The following FBXO33 variants were observed in gnomAD, a reference collection of about 807,000 sequenced individuals.
FBXO33 encodes F-box only protein 33.
A neutral mutation model predicts 46.3 loss-of-function variants in FBXO33; 22 were observed. The observed-to-expected ratio is 0.48, with a 90% CI of 0.34 to 0.68. FBXO33 has a LOEUF of 0.68. Ranked by LOEUF, FBXO33 falls within the 30% of genes least tolerant of loss-of-function variation. The pLI, the probability that FBXO33 is intolerant of heterozygous loss-of-function variation, is 0.01. For missense variants in FBXO33, 692 were observed against 708.8 expected (o/e 0.98, Z 0.27); for synonymous variants, 337 against 291.3 (o/e 1.16, Z -1.60).
intron 1 of FBXO33, among the ~76,000 whole-genome samples, chr14:39,404,326 T>A (rs2075382374): frequency 6.6e-6 from 1 of 152,066 alleles, no homozygotes; most frequent in Admixed American, 6.5e-5. Context: ...TTTAAATGGA[T>A]CTTTTTTTTT....
chr14:39,424,673 C>G (rs17109213), intron 1 of FBXO33, among the ~76,000 whole-genome samples: 3,300 of 152,234 alleles, frequency 0.022, 125 homozygotes, highest in African/African-American at 0.076. Context: ...CAGTGGAAAA[C>G]CGCAAAATGC....
rs752054960 is a variant in FBXO33 at position 39,401,892 on chromosome 14, CATTAACATTTAGTTCTAATCTTTTA to C, written c.711-56_711-32del. 821 of 1,524,860 alleles carry C rather than the reference CATTAACATTTAGTTCTAATCTTTTA, an allele frequency of 5.4e-4. 2 individuals are homozygous for C. The highest frequency in any genetic ancestry group is 7.1e-4 in the Non-Finnish European group (800 of 1,122,504). The allele number at this position is 1,524,860 out of a possible 1,614,324, so 94.5% of individuals were successfully genotyped here. ...AGGAAAACACATGCCACAGTGATCC[CATTAACATTTAGTTCTAATCTTTTA>C]ACACTGACTTTTGAAAATAGGCAAT... On this transcript the variant is annotated intron_variant, in intron 2 of 3. Transcript: ENST00000298097.
In FBXO33 at chr14:39,399,476, C is replaced by A; in HGVS notation, c.*40G>T. Reference sequence around the variant, plus strand: ...GAAAAAAAAACATAATAGGACCCTACTTGCATATGTAACCACAGGAATTCT... The same window carrying A: ...GAAAAAAAAACATAATAGGACCCTAATTGCATATGTAACCACAGGAATTCT... On this transcript the variant is annotated 3_prime_UTR_variant, in exon 4 of 4. Coordinates refer to ENST00000298097, the MANE Select transcript of FBXO33 (RefSeq NM_203301.4). The A allele has an allele frequency of 6.4e-7, 1 of 1,562,196 alleles. No individual in the cohort carries two copies. Among genetic ancestry groups the A allele is most frequent in the Non-Finnish European group, 8.7e-7 (1 of 1,151,364 alleles).
At chr14:39,412,978 G>C (rs1195382520) in intron 1 of FBXO33, among the ~76,000 whole-genome samples, 6 of 152,380 alleles carry the variant, frequency 3.9e-5, no homozygotes, top group Non-Finnish European at 4.4e-5. Flanking sequence ...GCTACTCACT[G>C]ATCAGGGTGA....
intron 1 of FBXO33, among the ~76,000 whole-genome samples, chr14:39,416,329 A>G (rs188890344): frequency 2.0e-5 from 3 of 151,876 alleles, no homozygotes; most frequent in South Asian, 4.2e-4. Context: ...TTTGATTATA[A>G]TATGTGTTGG....
At chr14:39,420,762 T>C (rs1173295186) in intron 1 of FBXO33, among the ~76,000 whole-genome samples, 1 of 152,074 alleles carries the variant, frequency 6.6e-6, no homozygotes. Flanking sequence ...ATCTGGGTGA[T>C]GGTATTAATG....
At position 39,402,260 on chromosome 14, in the gene FBXO33, G is replaced by A. The variant is rs546971488; in HGVS notation, c.710+141C>T. ...GATGGAATGGCAGATGCTGATCACT[G>A]TATTTCACCATTAAAACATTTCCAG... On this transcript the variant is annotated intron_variant, in intron 2 of 3. Transcript: ENST00000298097. 1.8e-4 allele frequency: 84 copies of A among 457,106 alleles called. No homozygotes were observed. In the Middle Eastern group the frequency reaches 2.8e-3, roughly 15 times the overall value. The allele number at this position is 457,106 out of a possible 1,614,324, so 28.3% of individuals were successfully genotyped here.
At chr14:39,414,864 C>T (rs1420257674) in intron 1 of FBXO33, among the ~76,000 whole-genome samples, 1 of 151,976 alleles carries the variant, frequency 6.6e-6, no homozygotes, top group Non-Finnish European at 1.5e-5. Flanking sequence ...GGTCTATGTT[C>T]CCCAGGCTGG....
At position 39,399,405 on chromosome 14, in the gene FBXO33, G is replaced by A; in HGVS notation, c.*111C>T. 3 of 950,668 alleles carry A rather than the reference G, an allele frequency of 3.2e-6. No individual in the cohort carries two copies. In the South Asian group the frequency reaches 5.5e-5, roughly 17 times the overall value. The allele number at this position is 950,668 out of a possible 1,614,324, so 58.9% of individuals were successfully genotyped here. On this transcript the variant is annotated 3_prime_UTR_variant, in exon 4 of 4. Transcript: ENST00000298097. ...GAATATACATATATAATTCTATAAA[G>A]CTAATACTGATTAAACACAGCACAA...
chr14:39,408,015 A>T (rs1481131801), intron 1 of FBXO33, among the ~76,000 whole-genome samples: 2 of 152,186 alleles, frequency 1.3e-5, no homozygotes, highest in Non-Finnish European at 2.9e-5. Context: ...ATCTAGGCTC[A>T]CTGCAGCCTC....
intron 1 of FBXO33, among the ~76,000 whole-genome samples, chr14:39,420,271 ACTGATAACT>A (rs1190753076): frequency 2.0e-5 from 3 of 152,258 alleles, no homozygotes; most frequent in Non-Finnish European, 4.4e-5. Flanking sequence ...CCAAGGAATT[ACTGATAACT>A]CTGTTATCAA....
intron 1 of FBXO33, among the ~76,000 whole-genome samples, chr14:39,418,469 A>G (rs973849748): frequency 5.3e-5 from 8 of 151,508 alleles, no homozygotes; most frequent in African/African-American, 1.9e-4. Flanking sequence ...TTACTTCAAA[A>G]TCGTTAAAAA....
chr14:39,416,718 G>C (rs1468064678), intron 1 of FBXO33, among the ~76,000 whole-genome samples: 1 of 151,742 alleles, frequency 6.6e-6, no homozygotes, highest in Non-Finnish European at 1.5e-5. Flanking sequence ...TCCTTACTTT[G>C]CTCATATATT....
At chr14:39,419,041 T>G (rs545692767) in intron 1 of FBXO33, among the ~76,000 whole-genome samples, 3 of 152,296 alleles carry the variant, frequency 2.0e-5, no homozygotes, top group African/African-American at 7.2e-5. Flanking sequence ...GCCAGAAGAT[T>G]TGTGGGATTA....
At chr14:39,409,719 T>G (rs1016179340) in intron 1 of FBXO33, among the ~76,000 whole-genome samples, 1 of 152,330 alleles carries the variant, frequency 6.6e-6, no homozygotes, top group East Asian at 1.9e-4. Flanking sequence ...ATGAGATGTT[T>G]TTCCATTTAT....
In FBXO33 at chr14:39,401,739, T is replaced by C. The variant is rs371768048; in HGVS notation, c.833A>G (p.Asn278Ser). 5.6e-5 allele frequency: 91 copies of C among 1,614,112 alleles called. No individual in the cohort carries two copies. The highest frequency in any genetic ancestry group is 7.4e-5 in the Non-Finnish European group (87 of 1,180,042). The change falls in exon 3 of 4, where the codon AAC becomes AGC. Residue 278 changes from asparagine to serine, a missense_variant. Physicochemically the swap from Asn to Ser is conservative, Grantham distance 46. This residue lies in a region of FBXO33 where 412 missense variants were observed against 370.8 expected (regional missense o/e 1.11). Coordinates refer to ENST00000298097, the MANE Select transcript of FBXO33 (RefSeq NM_203301.4). ...SLSSLSNAVA[N>S]TMEHLSLLDN... ...CAGTAAACTGAGGTGCTCCATGGTGTTGGCAACAGCATTAGAGAGAGATGA... is the reference window on the plus strand; with the variant it reads ...CAGTAAACTGAGGTGCTCCATGGTGCTGGCAACAGCATTAGAGAGAGATGA...
Position 39,432,077 on chromosome 14 carries a change from C to G in FBXO33, c.86G>C (p.Arg29Pro). The change falls in exon 1 of 4, where the codon CGG (arginine) becomes CCG (proline). Residue 29 changes from arginine to proline, a missense_variant. By Grantham distance (103) the Arg-to-Pro change is moderately radical. This residue lies in a region of FBXO33 where 412 missense variants were observed against 370.8 expected (regional missense o/e 1.11). Coordinates refer to ENST00000298097, the MANE Select transcript of FBXO33 (RefSeq NM_203301.4). Reference sequence around the variant, plus strand: ...CCGTCGCAGCTGCTGCAGCCGCAGCCGCCGCCACCGCGCCACCCGGGCGGC... The same window carrying G: ...CCGTCGCAGCTGCTGCAGCCGCAGCGGCCGCCACCGCGCCACCCGGGCGGC... ...AGAARVARWR[R>P]LRLQQLRRLR... 8.1e-7 allele frequency: 1 copy of G among 1,242,208 alleles called. No homozygotes were observed. Among genetic ancestry groups the G allele is most frequent in the East Asian group, 3.2e-5 (1 of 31,154 alleles). The allele number at this position is 1,242,208 out of a possible 1,614,324, so 76.9% of individuals were successfully genotyped here. A position where few individuals can be genotyped will look rare whatever the true frequency, so the allele number is the denominator to read the frequency against.
chr14:39,402,677 A>ATTTTTT (rs58903755), intron 1 of FBXO33, among the ~76,000 whole-genome samples, 166 bp from the exon 2 acceptor site: 1 of 83,102 alleles, frequency 1.2e-5, no homozygotes, highest in Non-Finnish European at 2.5e-5. Flanking sequence ...ATATATTCAG[A>ATTTTTT]TTTTTTTTTT....
chr14:39,416,174 C>T (rs2075447808), intron 1 of FBXO33, among the ~76,000 whole-genome samples: 1 of 152,078 alleles, frequency 6.6e-6, no homozygotes, highest in African/African-American at 2.4e-5. Flanking sequence ...GATTAAACTC[C>T]TTTAGCTTCT....
Sources: gnomAD v4.1 joint callset for allele counts (sites outside exome capture counted in the v4.1 genomes callset) on GRCh38, gnomAD v4.1.1 for gene constraint, gnomAD v4.1.1 regional missense constraint, MANE v1.5 for transcripts, NCBI Gene and HGNC (gene_info 2026-07-23, HGNC 2026-07-21) for gene names.